PDE2A: variants seen among roughly 807,000 people sequenced by gnomAD.
PDE2A encodes cGMP-dependent 3',5'-cyclic phosphodiesterase.
In PDE2A, 53 loss-of-function variants were observed where a neutral mutation model predicts 133.6. That is an observed-to-expected ratio of 0.40 (90% CI 0.32 to 0.50). PDE2A has a LOEUF of 0.50. PDE2A is among the 20% of genes least tolerant of loss of function. The pLI is 0.73. For missense variants in PDE2A, 796 were observed against 1,232.4 expected, an observed-to-expected ratio of 0.65 and a Z score of 5.30; for synonymous variants, 491 against 490.2, an observed-to-expected ratio of 1.00 and a Z score of -0.02.
chr11:72,606,650 C>T (rs1397955007), intron 3 of PDE2A, among the ~76,000 whole-genome samples: 1 of 152,172 alleles, frequency 6.6e-6, no homozygotes, highest in Non-Finnish European at 1.5e-5. Flanking sequence ...GGGAAGGAGG[C>T]CGCCCACTCT....
intron 1 of PDE2A, among the ~76,000 whole-genome samples, chr11:72,671,554 C>G (rs1855385698): frequency 6.6e-6 from 1 of 152,010 alleles, no homozygotes; most frequent in South Asian, 2.1e-4. Flanking sequence ...TCCCTGGGGA[C>G]AGGAGGCTGG....
chr11:72,582,189 GCAAACCCTGAGGTCA>G (rs991479779), intron 21 of PDE2A: 34 of 607,120 alleles, frequency 5.6e-5, no homozygotes, highest in Non-Finnish European at 8.7e-5. Context: ...TGGGAGGGAT[GCAAACCCTGAGGTCA>G]CATGCCCTGG....
At chr11:72,664,364 A>ATGTTTTTTTTT (rs1855165474) in intron 1 of PDE2A, among the ~76,000 whole-genome samples, 1 of 70,076 alleles carries the variant, frequency 1.4e-5, no homozygotes, top group Non-Finnish European at 2.6e-5. Context: ...CCCTTGAAGG[A>ATGTTTTTTTTT]TTTTTTTTTT....
Position 72,586,166 on chromosome 11 carries a change from G to T in PDE2A, c.1086C>A (p.Asp362Glu), listed in dbSNP as rs759790287. 1 of 1,609,010 alleles carries T rather than the reference G, an allele frequency of 6.2e-7. No individual in the cohort carries two copies. The highest frequency in any genetic ancestry group is 8.5e-7 in the Non-Finnish European group (1 of 1,176,454). The change falls in exon 14 of 31, where the codon GAC becomes GAA. Residue 362 changes from aspartate (D) to glutamate (E), a missense_variant. Physicochemically the swap from Asp to Glu is conservative, Grantham distance 45. This residue lies in a region of PDE2A where 417 missense variants were observed against 475.3 expected (regional missense o/e 0.88). Coordinates refer to ENST00000334456, the MANE Select transcript of PDE2A (RefSeq NM_002599.5). ...KLEGDLFTDEDEHVIQHCFHY... is the reference protein window; with the variant it reads ...KLEGDLFTDEEEHVIQHCFHY... ...GGAAGCAGTGCTGGATCACATGCTC[G>T]TCCTCGTCGGTGAACCTGGAGGAGG...
intron 1 of PDE2A, among the ~76,000 whole-genome samples, chr11:72,663,871 G>A (rs905971903): frequency 3.9e-5 from 6 of 152,100 alleles, no homozygotes; most frequent in South Asian, 4.1e-4. Flanking sequence ...TCTGTTCTTC[G>A]GTTTCCCATC....
At chr11:72,585,620 G>C in intron 14 of PDE2A, 27 bp from the exon 15 acceptor site, 4 of 1,610,122 alleles carry the variant, frequency 2.5e-6, no homozygotes, top group Non-Finnish European at 3.4e-6. Context: ...GGAGATCATA[G>C]GGGGGTCGGG....
chr11:72,667,063 G>A (rs894698123), intron 1 of PDE2A, among the ~76,000 whole-genome samples: 5 of 152,146 alleles, frequency 3.3e-5, no homozygotes, highest in African/African-American at 1.2e-4. Flanking sequence ...CCGAGATCAC[G>A]CCACTGCACT....
chr11:72,648,061 C>T (rs146315982), intron 1 of PDE2A, among the ~76,000 whole-genome samples: 20 of 152,276 alleles, frequency 1.3e-4, no homozygotes, highest in African/African-American at 2.2e-4. Context: ...ATAGCATGTG[C>T]GTGCTTTCAC....
intron 16 of PDE2A, 179 bp from the exon 17 acceptor site, chr11:72,585,123 T>A: frequency 1.5e-6 from 1 of 669,752 alleles, no homozygotes; most frequent in Non-Finnish European, 2.5e-6. Flanking sequence ...TGTTTTTTTT[T>A]TTTTTTGGAA....
chr11:72,642,232 C>T (rs1203931141), intron 2 of PDE2A, 22 bp downstream of exon 2: 2 of 1,484,558 alleles, frequency 1.3e-6, no homozygotes, highest in African/African-American at 1.5e-5. Flanking sequence ...TCTCCTGGTG[C>T]CCAGCGCGGG....
At chr11:72,633,755 C>G (rs1858539155) in intron 2 of PDE2A, among the ~76,000 whole-genome samples, 1 of 152,140 alleles carries the variant, frequency 6.6e-6, no homozygotes, top group African/African-American at 2.4e-5. Flanking sequence ...GAGAGAGGAG[C>G]TGGGCAAAGA....
At chr11:72,646,327 C>T (rs1372783227) in intron 1 of PDE2A, among the ~76,000 whole-genome samples, 2 of 152,210 alleles carry the variant, frequency 1.3e-5, no homozygotes, top group African/African-American at 4.8e-5. Context: ...ATTGGTAGGG[C>T]CTTGTGCTGG....
At chr11:72,579,507 TCCCCA>T in intron 26 of PDE2A, 22 bp downstream of exon 26, 19 of 1,353,992 alleles carry the variant, frequency 1.4e-5, no homozygotes, top group East Asian at 2.4e-5. Context: ...TCCCCCTCAA[TCCCCA>T]CCCCACCCCC....
At position 72,669,393 on chromosome 11, in the gene PDE2A, T is replaced by TG. The variant is rs201081567; in HGVS notation, c.71+4743dup. On this transcript the variant is annotated intron_variant, in intron 1 of 30. Transcript: ENST00000334456. ...CCCAGTTGCCTCCTGTTTTTCGGGG[T>TG]GGGGGGGCAGTGAGAAGGGTGACTT... Among the ~76,000 whole-genome samples the TG allele has an allele frequency of 8.1e-3, 1,234 of 151,688 alleles. 13 individuals are homozygous for TG. The highest frequency in any genetic ancestry group is 0.028 in the African/African-American group (1,158 of 41,316).
chr11:72,631,286 A>T, intron 2 of PDE2A: 3 of 592,422 alleles, frequency 5.1e-6, no homozygotes, highest in South Asian at 2.2e-5. Flanking sequence ...CTCTCCCAAG[A>T]CTCCCTCCTT....
intron 2 of PDE2A, among the ~76,000 whole-genome samples, chr11:72,625,987 G>A (rs895595593): frequency 2.0e-5 from 3 of 152,264 alleles, no homozygotes; most frequent in African/African-American, 7.2e-5. Context: ...TCAGCCCGGG[G>A]CCGCAGCATC....
intron 1 of PDE2A, among the ~76,000 whole-genome samples, chr11:72,656,680 C>T (rs1433407502): frequency 6.6e-6 from 1 of 151,980 alleles, no homozygotes; most frequent in Non-Finnish European, 1.5e-5. Context: ...GGGCTCTCCT[C>T]GCCTTTCTCG....
chr11:72,577,449 C>G lies in PDE2A; in HGVS notation c.2761G>C (p.Glu921Gln), dbSNP rs770991809. 10 of 1,613,906 alleles carry G rather than the reference C, an allele frequency of 6.2e-6. No individual in the cohort carries two copies. The highest frequency in any genetic ancestry group is 1.6e-4 in the Middle Eastern group (1 of 6,084). The change falls in exon 31 of 31, where the codon GAG becomes CAG. Residue 921 changes from glutamate (E) to glutamine (Q), a missense_variant. This residue lies in a region of PDE2A where 83 missense variants were observed against 99.0 expected (regional missense o/e 0.84). Transcript: ENST00000334456. The stretch of plus-strand genomic sequence containing the variant: ...CTAGTGCCATCCAGATCAGGCACCT[C>G]GTACTCCTCATCCAGGAAGTCCAGC... ...NSLDFLDEEY[E>Q]VPDLDGTRAP... is the part of the protein sequence containing the mutation.
intron 1 of PDE2A, among the ~76,000 whole-genome samples, chr11:72,647,021 C>G (rs1859145295): frequency 6.6e-6 from 1 of 152,180 alleles, no homozygotes; most frequent in African/African-American, 2.4e-5. Flanking sequence ...CTATCCCCAG[C>G]CCTCCCTCAA....
Sources: allele counts gnomAD v4.1 joint callset (sites outside exome capture counted in the v4.1 genomes callset), GRCh38; gene constraint gnomAD v4.1.1; regional missense constraint gnomAD v4.1.1; transcripts MANE v1.5; gene names NCBI Gene and HGNC (gene_info 2026-07-23, HGNC 2026-07-21).